BLTP1: variants seen among roughly 807,000 people sequenced by gnomAD.
BLTP1 encodes the protein bridge-like lipid transfer protein family member 1.
chr4:122,320,573 C>G, the BLTP1 span, among the ~76,000 whole-genome samples: 1 of 152,164 alleles, frequency 6.6e-6, no homozygotes, highest in African/African-American at 2.4e-5. Context: ...GCTTTGAAAT[C>G]TGCTCTGTCT....
chr4:122,200,322 A>C, the BLTP1 span: 1 of 973,788 alleles, frequency 1.0e-6, no homozygotes, highest in Non-Finnish European at 1.2e-6. Context: ...TCACACCTGT[A>C]ATCCCAGCAC....
the BLTP1 span, chr4:122,289,670 A>G: frequency 1.0e-6 from 1 of 974,302 alleles, no homozygotes; most frequent in Non-Finnish European, 1.2e-6. Context: ...CTAAAGTATT[A>G]GGGAATTAGG....
chr4:122,205,780 T>TCACACACACA, the BLTP1 span: 1 of 82,612 alleles, frequency 1.2e-5, no homozygotes, highest in African/African-American at 4.1e-5. Flanking sequence ...TCTTTCTCTG[T>TCACACACACA]CACATACACA....
the BLTP1 span, chr4:122,304,998 T>C: frequency 2.5e-6 from 4 of 1,602,532 alleles, no homozygotes; most frequent in South Asian, 3.4e-5. Flanking sequence ...GTACAGAATA[T>C]GTTGATGTTA....
chr4:122,343,414 A>G, the BLTP1 span: 14 of 1,613,598 alleles, frequency 8.7e-6, no homozygotes, highest in Admixed American at 3.3e-5. Flanking sequence ...CTGTAGGTTC[A>G]TCGGGATTAG....
chr4:122,342,317 G>A, the BLTP1 span, among the ~76,000 whole-genome samples: 3 of 151,846 alleles, frequency 2.0e-5, no homozygotes, highest in African/African-American at 7.3e-5. Context: ...TAACTCCCAG[G>A]TTTTGGTTGA....
the BLTP1 span, chr4:122,346,022 G>A: frequency 1.0e-6 from 1 of 984,948 alleles, no homozygotes; most frequent in Non-Finnish European, 1.2e-6. Flanking sequence ...GTAGACAACT[G>A]ACTTAGCGGG....
At chr4:122,222,600 C>T in the BLTP1 span, among the ~76,000 whole-genome samples, 1 of 152,016 alleles carries the variant, frequency 6.6e-6, no homozygotes, top group African/African-American at 2.4e-5. Flanking sequence ...CCTTCCTTGC[C>T]TCTTCTTAGG....
At chr4:122,262,277 T>C in the BLTP1 span, among the ~76,000 whole-genome samples, 1 of 151,950 alleles carries the variant, frequency 6.6e-6, no homozygotes, top group Non-Finnish European at 1.5e-5. Flanking sequence ...GTGATATAAA[T>C]ATTTCAGGCT....
chr4:122,190,483 C>G, the BLTP1 span: 6,526 of 902,998 alleles, frequency 7.2e-3, 40 homozygotes, highest in South Asian at 0.03. Flanking sequence ...AATCTTCTTG[C>G]TTAGCCATCA....
chr4:122,174,567 A>G, the BLTP1 span: 26 of 1,609,094 alleles, frequency 1.6e-5, no homozygotes, highest in Admixed American at 5.1e-5. Flanking sequence ...TTTCCTTCCT[A>G]TAACAGGTTC....
the BLTP1 span, chr4:122,356,033 G>T: frequency 1.4e-6 from 2 of 1,472,430 alleles, no homozygotes; most frequent in Non-Finnish European, 1.9e-6. Flanking sequence ...AAATTCTAAA[G>T]GCACTTCAAA....
chr4:122,216,552 G>A, the BLTP1 span, among the ~76,000 whole-genome samples: 1 of 152,036 alleles, frequency 6.6e-6, no homozygotes, highest in Non-Finnish European at 1.5e-5. Flanking sequence ...TTGTCCATTT[G>A]TATATCTTCT....
the BLTP1 span, chr4:122,334,522 C>T: frequency 6.2e-7 from 1 of 1,612,678 alleles, no homozygotes; most frequent in Non-Finnish European, 8.5e-7. Context: ...TTACTTCCTC[C>T]CCAGCCCCCA....
the BLTP1 span, among the ~76,000 whole-genome samples, chr4:122,294,843 C>T: frequency 6.6e-6 from 1 of 152,076 alleles, no homozygotes; most frequent in African/African-American, 2.4e-5. Flanking sequence ...ATGTTCTAAC[C>T]CAATGGAAAG....
the BLTP1 span, chr4:122,325,320 A>G: frequency 7.4e-5 from 119 of 1,602,284 alleles, no homozygotes; most frequent in Admixed American, 1.0e-4. Context: ...TCCAGGATAC[A>G]GTAAGAGATA....
At chr4:122,235,275 T>C in the BLTP1 span, 1 of 899,336 alleles carries the variant, frequency 1.1e-6, no homozygotes, top group Non-Finnish European at 1.3e-6. Context: ...CCTCACAGAA[T>C]TTTTTCTAAA....
the BLTP1 span, among the ~76,000 whole-genome samples, chr4:122,340,031 A>C: frequency 6.6e-6 from 1 of 152,126 alleles, no homozygotes; most frequent in Admixed American, 6.6e-5. Flanking sequence ...AATGGTAAAA[A>C]TTTTATTGAA....
At chr4:122,188,458 T>C in the BLTP1 span, among the ~76,000 whole-genome samples, 2 of 152,134 alleles carry the variant, frequency 1.3e-5, no homozygotes, top group Non-Finnish European at 2.9e-5. Flanking sequence ...ACAGATTCAT[T>C]GCAGTGGAAT....
Sources: allele counts gnomAD v4.1 joint callset (sites outside exome capture counted in the v4.1 genomes callset), GRCh38; gene constraint gnomAD v4.1.1; transcripts MANE v1.5; gene names NCBI Gene and HGNC (gene_info 2026-07-23, HGNC 2026-07-21).